The following USH2A variants were observed in gnomAD, a reference collection of about 807,000 sequenced individuals.
USH2A encodes Usher syndrome 2A (autosomal recessive, mild).
USH2A carries 443 observed loss-of-function variants against 538.9 expected under a neutral mutation model. The ratio of observed to expected loss-of-function variants is 0.82; its 90% CI spans 0.76 to 0.89. The LOEUF is 0.89. Among genes scored for constraint, USH2A ranks in the 40% least tolerant of loss-of-function variants. The pLI is 0.00. For missense variants in USH2A, 6,633 were observed against 6,324.8 expected (o/e 1.05, Z -1.65); for synonymous variants, 2,413 against 2,273.5 (o/e 1.06, Z -1.75).
chr1:216,242,745 A>C (rs1208194194), intron 13 of USH2A, among the ~76,000 whole-genome samples: 3 of 150,156 alleles, frequency 2.0e-5, no homozygotes, highest in Admixed American at 6.6e-5. Flanking sequence ...AAAAGTGCTA[A>C]ATAAATAGTC....
At chr1:215,683,820 T>C (rs1658324653) in intron 61 of USH2A, among the ~76,000 whole-genome samples, 1 of 152,154 alleles carries the variant, frequency 6.6e-6, no homozygotes, top group African/African-American at 2.4e-5. Flanking sequence ...GCCATTATTT[T>C]GCTCTTTCCT....
At chr1:216,271,875 T>C (rs571162115) in intron 11 of USH2A, among the ~76,000 whole-genome samples, 1 of 152,252 alleles carries the variant, frequency 6.6e-6, no homozygotes, top group East Asian at 1.9e-4. Flanking sequence ...TCAGCTATGA[T>C]GCATTACCCT....
In USH2A at chr1:216,158,912, G is replaced by C. The variant is rs76400686; in HGVS notation, c.4627+16340C>G. The stretch of plus-strand genomic sequence containing the variant: ...AATTTTTTGTAGTTTTCAGAGTGGA[G>C]GTCCTACATTACCTTTTAGCAGACT... On this transcript the variant is annotated intron_variant, in intron 21 of 71. Coordinates refer to ENST00000307340, the MANE Select transcript of USH2A (RefSeq NM_206933.4). Among the ~76,000 whole-genome samples, 1,397 of 152,178 alleles carry C rather than the reference G, an allele frequency of 9.2e-3. 22 individuals are homozygous for C. Among genetic ancestry groups the C allele is most frequent in the African/African-American group, 0.03 (1,251 of 41,514 alleles).
intron 21 of USH2A, among the ~76,000 whole-genome samples, chr1:216,100,978 G>A (rs1297419381): frequency 2.0e-5 from 3 of 152,094 alleles, no homozygotes; most frequent in Non-Finnish European, 4.4e-5. Flanking sequence ...GGAAGCTATA[G>A]TATAAAAAAA....
At chr1:216,138,337 C>G (rs1239592656) in intron 21 of USH2A, among the ~76,000 whole-genome samples, 1 of 152,116 alleles carries the variant, frequency 6.6e-6, no homozygotes, top group Non-Finnish European at 1.5e-5. Context: ...AGAGTTTTAA[C>G]TCAGTATATT....
chr1:215,780,353 G>A (rs1661596537), intron 54 of USH2A, among the ~76,000 whole-genome samples: 1 of 152,134 alleles, frequency 6.6e-6, no homozygotes, highest in Non-Finnish European at 1.5e-5. Flanking sequence ...TCTTACTAGA[G>A]AACTCTTGAT....
At chr1:215,846,211 T>C (rs918305985) in intron 44 of USH2A, among the ~76,000 whole-genome samples, 178 bp from the exon 45 acceptor site, 3 of 152,170 alleles carry the variant, frequency 2.0e-5, no homozygotes, top group Non-Finnish European at 2.9e-5. Flanking sequence ...TGATAGTTTT[T>C]ATTTTATTTA....
chr1:216,308,959 A>G (rs975118339), intron 9 of USH2A, among the ~76,000 whole-genome samples: 2 of 152,200 alleles, frequency 1.3e-5, no homozygotes, highest in Admixed American at 1.3e-4. Context: ...AGGGCAAAGG[A>G]AAAATACGAA....
intron 37 of USH2A, among the ~76,000 whole-genome samples, chr1:215,956,433 T>C (rs1045380930): frequency 5.3e-5 from 8 of 152,310 alleles, no homozygotes; most frequent in African/African-American, 1.9e-4. Flanking sequence ...TTTTAAATTA[T>C]GCAAAGCCTT....
At chr1:215,891,889 TC>T (rs1186447073) in intron 40 of USH2A, among the ~76,000 whole-genome samples, 1 of 152,154 alleles carries the variant, frequency 6.6e-6, no homozygotes, top group East Asian at 1.9e-4. Context: ...TTTAGAGAAC[TC>T]CCTCTTGGAG....
At chr1:216,195,637 A>T (rs1050623377) in intron 19 of USH2A, 4 of 152,652 alleles carry the variant, frequency 2.6e-5, no homozygotes, top group Non-Finnish European at 4.4e-5. Context: ...TGAAAAAAAA[A>T]GATGGAAGGA....
intron 61 of USH2A, among the ~76,000 whole-genome samples, chr1:215,697,422 A>C (rs1009752873): frequency 2.0e-5 from 3 of 152,190 alleles, no homozygotes; most frequent in African/African-American, 7.2e-5. Context: ...TGAAGCCTGC[A>C]ATATCAAATA....
At chr1:216,189,024 T>C (rs954011876) in intron 20 of USH2A, among the ~76,000 whole-genome samples, 8 of 151,942 alleles carry the variant, frequency 5.3e-5, no homozygotes, top group African/African-American at 1.9e-4. Flanking sequence ...CCTTTAATAA[T>C]ACAGTATACA....
chr1:215,687,114 AC>A (rs1223974665), intron 61 of USH2A, among the ~76,000 whole-genome samples: 4 of 152,076 alleles, frequency 2.6e-5, no homozygotes, highest in Non-Finnish European at 4.4e-5. Context: ...TGTTAAGGAC[AC>A]TATTGACGAC....
At chr1:216,312,838 CTTTG>C (rs1287439914) in intron 9 of USH2A, among the ~76,000 whole-genome samples, 1 of 151,766 alleles carries the variant, frequency 6.6e-6, no homozygotes, top group South Asian at 2.1e-4. Context: ...TTGTTTGTTT[CTTTG>C]TTTGTTTGTT....
intron 40 of USH2A, among the ~76,000 whole-genome samples, chr1:215,895,282 C>T (rs145948009): frequency 1.2e-3 from 177 of 152,286 alleles, no homozygotes; most frequent in African/African-American, 3.8e-3. Context: ...TCAGACCCTT[C>T]GCCAGACACT....
intron 4 of USH2A, among the ~76,000 whole-genome samples, chr1:216,328,366 G>T (rs1348193768): frequency 6.6e-6 from 1 of 151,944 alleles, no homozygotes; most frequent in African/African-American, 2.4e-5. Flanking sequence ...TATTTGTTTG[G>T]CAAATATTTT....
At chr1:215,869,380 C>T (rs1469352288) in intron 43 of USH2A, among the ~76,000 whole-genome samples, 3 of 152,116 alleles carry the variant, frequency 2.0e-5, no homozygotes, top group African/African-American at 4.8e-5. Flanking sequence ...GATGTCATAT[C>T]ACTAAGGCTT....
At chr1:215,973,160 T>C (rs2102460352) in intron 35 of USH2A, among the ~76,000 whole-genome samples, 1 of 152,296 alleles carries the variant, frequency 6.6e-6, no homozygotes, top group African/African-American at 2.4e-5. Flanking sequence ...TTGACCTGCT[T>C]TTTAACTGAG....
Sources: allele counts gnomAD v4.1 joint callset (sites outside exome capture counted in the v4.1 genomes callset), GRCh38; gene constraint gnomAD v4.1.1; transcripts MANE v1.5; gene names NCBI Gene and HGNC (gene_info 2026-07-23, HGNC 2026-07-21).